NTRK2: variants seen among roughly 807,000 people sequenced by gnomAD.
The protein encoded by NTRK2 is neurotrophic receptor tyrosine kinase 2.
A neutral mutation model predicts 94.5 loss-of-function variants in NTRK2; 13 were observed. That is an observed-to-expected ratio of 0.14 (90% CI 0.09 to 0.22). The LOEUF is 0.22. NTRK2 is among the 10% of genes least tolerant of loss of function. The pLI is 1.00. For missense variants in NTRK2, 639 were observed against 1,071.2 expected (o/e 0.60, Z 5.63); for synonymous variants, 372 against 407.4 (o/e 0.91, Z 1.05).
At chr9:84,820,137 A>G (rs2072692967) in intron 12 of NTRK2, among the ~76,000 whole-genome samples, 1 of 150,804 alleles carries the variant, frequency 6.6e-6, no homozygotes, top group Admixed American at 6.6e-5. Flanking sequence ...AAACTTAACT[A>G]CTAATAGCTT....
intron 17 of NTRK2, among the ~76,000 whole-genome samples, chr9:85,019,372 G>C (rs775941253): frequency 1.2e-4 from 19 of 152,120 alleles, no homozygotes; most frequent in Non-Finnish European, 2.2e-4. Context: ...GCAGAAATCT[G>C]TTCATGGGTT....
intron 2 of NTRK2, among the ~76,000 whole-genome samples, chr9:84,700,516 G>T (rs973991156): frequency 2.6e-5 from 4 of 152,286 alleles, no homozygotes; most frequent in Non-Finnish European, 4.4e-5. Context: ...TTGGAGGCTG[G>T]TTTTTTATGT....
Position 84,840,162 on chromosome 9 carries a change from G to C in NTRK2, c.1397-20878G>C, listed in dbSNP as rs539660959. Among the ~76,000 whole-genome samples the C allele has an allele frequency of 8.2e-4, 125 of 152,050 alleles. 1 individual carries two copies. Among genetic ancestry groups the C allele is most frequent in the Admixed American group, 3.8e-3 (58 of 15,252 alleles). ...TTTGTGAGAAATGTGTCCTCTGCCT[G>C]GCGTCAGTCATGCTCTCATGTGAAC... On this transcript the variant is annotated intron_variant, in intron 12 of 18. Coordinates refer to ENST00000277120, the MANE Select transcript of NTRK2 (RefSeq NM_006180.6).
At chr9:84,761,428 C>G (rs947610292) in intron 12 of NTRK2, among the ~76,000 whole-genome samples, 1 of 152,136 alleles carries the variant, frequency 6.6e-6, no homozygotes, top group East Asian at 1.9e-4. Context: ...TGAGCCTTTC[C>G]TGCACTTGCT....
intron 13 of NTRK2, among the ~76,000 whole-genome samples, chr9:84,864,741 T>TC (rs1365117196): frequency 1.5e-4 from 20 of 132,402 alleles, no homozygotes; most frequent in East Asian, 6.0e-4. Flanking sequence ...ATTTTCTTTT[T>TC]TTTTTTTTTT....
intron 12 of NTRK2, among the ~76,000 whole-genome samples, chr9:84,779,491 A>C (rs1202067966): frequency 3.3e-5 from 5 of 152,202 alleles, no homozygotes; most frequent in Non-Finnish European, 5.9e-5. Flanking sequence ...AGTGAATCTT[A>C]AAAGAGGGCT....
rs755149948 is a variant in NTRK2, at chr9:84,934,223, T to C, written c.1695T>C (p.Phe565=). The C allele has an allele frequency of 2.5e-6, 4 of 1,614,072 alleles. No individual in the cohort carries two copies. In the South Asian group the frequency reaches 3.3e-5, roughly 13 times the overall value. ...AAAGGGAGCTAGGCGAAGGAGCCTTTGGAAAAGTGTTCCTAGCTGAATGCT... is the reference window on the plus strand; with the variant it reads ...AAAGGGAGCTAGGCGAAGGAGCCTTCGGAAAAGTGTTCCTAGCTGAATGCT... ...VLKRELGEGA[F]GKVFLAECYN... Residue 565 remains phenylalanine (F), a synonymous_variant, in exon 15 of 19, where the codon TTT becomes TTC. Transcript: ENST00000277120.
At position 84,884,213 on chromosome 9, in the gene NTRK2, A is replaced by G. The variant is rs563896365; in HGVS notation, c.1633+16782A>G. 2.0e-5 allele frequency among the ~76,000 whole-genome samples: 3 copies of G among 152,356 alleles called. No individual in the cohort carries two copies. In the South Asian group the frequency reaches 6.2e-4, roughly 32 times the overall value. On this transcript the variant is annotated intron_variant, in intron 14 of 18. Coordinates refer to ENST00000277120, the MANE Select transcript of NTRK2 (RefSeq NM_006180.6). ...AAGAGAAACCAGAAGTAAATCAAATAAATTAATAAAACTATCAGAGCTGCT... is the reference window on the plus strand; with the variant it reads ...AAGAGAAACCAGAAGTAAATCAAATGAATTAATAAAACTATCAGAGCTGCT...
At chr9:84,965,278 AT>A (rs1169469868) in intron 17 of NTRK2, among the ~76,000 whole-genome samples, 2 of 152,244 alleles carry the variant, frequency 1.3e-5, no homozygotes, top group African/African-American at 2.4e-5. Flanking sequence ...TTAATCCAAG[AT>A]AGTTTTGCAG....
chr9:84,691,224 G>T (rs544733926), intron 2 of NTRK2, among the ~76,000 whole-genome samples: 1 of 152,336 alleles, frequency 6.6e-6, no homozygotes, highest in East Asian at 1.9e-4. Flanking sequence ...AACAATAAGT[G>T]ATGTAACGCA....
At chr9:84,992,140 A>G (rs1829158264) in intron 17 of NTRK2, among the ~76,000 whole-genome samples, 1 of 152,166 alleles carries the variant, frequency 6.6e-6, no homozygotes, top group African/African-American at 2.4e-5. Flanking sequence ...CACAGTTGAA[A>G]TGAAGGACAA....
chr9:84,743,120 A>G (rs1366461931), intron 10 of NTRK2, among the ~76,000 whole-genome samples: 2 of 152,104 alleles, frequency 1.3e-5, no homozygotes, highest in African/African-American at 4.8e-5. Flanking sequence ...TTTTGATGGA[A>G]TATCGCATCT....
chr9:84,968,712 G>T (rs1157417476), intron 17 of NTRK2, among the ~76,000 whole-genome samples: 2 of 152,206 alleles, frequency 1.3e-5, no homozygotes, highest in South Asian at 2.1e-4. Flanking sequence ...AAATGGTAAA[G>T]AAGTCGGCTC....
At position 84,959,605 on chromosome 9, in the gene NTRK2, A is replaced by G. The variant is rs75538084; in HGVS notation, c.2172+4088A>G. ...TGAGCTAATTATACCTTCCCAATGA[A>G]GGGAGAAATCGGAACACTACATTTG... On this transcript the variant is annotated intron_variant, in intron 17 of 18. Transcript: ENST00000277120. 6.1e-3 allele frequency among the ~76,000 whole-genome samples: 937 copies of G among 152,382 alleles called. 24 individuals carry two copies. Among genetic ancestry groups the G allele is most frequent in the Admixed American group, 0.044 (676 of 15,308 alleles).
At chr9:84,867,669 A>G (rs1276739206) in intron 14 of NTRK2, among the ~76,000 whole-genome samples, 2 of 152,194 alleles carry the variant, frequency 1.3e-5, no homozygotes, top group Non-Finnish European at 2.9e-5. Context: ...CTTGGGATCT[A>G]TTTTCCAAAA....
At chr9:84,796,559 G>C (rs981750763) in intron 12 of NTRK2, among the ~76,000 whole-genome samples, 18 of 152,128 alleles carry the variant, frequency 1.2e-4, no homozygotes, top group African/African-American at 4.3e-4. Context: ...GTCAGACAGA[G>C]GTCCTTAGAC....
At chr9:84,782,698 G>C (rs969338223) in intron 12 of NTRK2, among the ~76,000 whole-genome samples, 1 of 152,114 alleles carries the variant, frequency 6.6e-6, no homozygotes, top group Non-Finnish European at 1.5e-5. Context: ...ATATCACCAA[G>C]TGCCACATTT....
At chr9:84,840,859 G>T (rs898534268) in intron 12 of NTRK2, among the ~76,000 whole-genome samples, 6 of 152,012 alleles carry the variant, frequency 3.9e-5, no homozygotes, top group Admixed American at 2.0e-4. Context: ...GCATTGCTAA[G>T]TCCCATAGCC....
chr9:84,706,531 T>TTTTA (rs2061097585), intron 4 of NTRK2, among the ~76,000 whole-genome samples: 3 of 107,410 alleles, frequency 2.8e-5, no homozygotes, highest in African/African-American at 1.2e-4. Flanking sequence ...GTTTTTGTTT[T>TTTTA]TTTTTTTTTT....
Sources: gnomAD v4.1 joint callset for allele counts (sites outside exome capture counted in the v4.1 genomes callset) on GRCh38, gnomAD v4.1.1 for gene constraint, MANE v1.5 for transcripts, NCBI Gene and HGNC (gene_info 2026-07-23, HGNC 2026-07-21) for gene names.